Variants in SEMA3A observed in about 807,000 individuals in gnomAD.
SEMA3A encodes the protein semaphorin 3A.
A neutral mutation model predicts 97.9 loss-of-function variants in SEMA3A; 29 were observed. That is an observed-to-expected ratio of 0.30 (90% CI 0.22 to 0.40). SEMA3A has a LOEUF of 0.40. Ranked by LOEUF, SEMA3A falls within the 10% of genes least tolerant of loss-of-function variation. The probability of loss-of-function intolerance (pLI) is 1.00; values close to 1 mark genes in which losing one functional copy is unlikely to be tolerated. For synonymous variants in SEMA3A, 321 were observed against 323.7 expected, an observed-to-expected ratio of 0.99 and a Z score of 0.09; for missense variants, 763 against 951.3, an observed-to-expected ratio of 0.80 and a Z score of 2.60.
intron 1 of SEMA3A, among the ~76,000 whole-genome samples, chr7:84,450,362 C>T (rs776941062): frequency 3.9e-5 from 6 of 152,138 alleles, no homozygotes; most frequent in African/African-American, 4.8e-5. Flanking sequence ...CCAAGAATGC[C>T]ACATTCTGAG....
chr7:84,420,651 C>A (rs1804565057), intron 1 of SEMA3A, among the ~76,000 whole-genome samples: 1 of 151,932 alleles, frequency 6.6e-6, no homozygotes, highest in Non-Finnish European at 1.5e-5. Flanking sequence ...CTAGCATAAC[C>A]TCAAAAAGAT....
intron 6 of SEMA3A, among the ~76,000 whole-genome samples, chr7:84,037,151 TTTTC>T (rs911458462): frequency 5.5e-5 from 8 of 145,024 alleles, no homozygotes; most frequent in South Asian, 2.3e-4. Flanking sequence ...GCTAAGTTTT[TTTTC>T]TTTTTTTCAA....
At chr7:84,127,016 CTT>C (rs200695073) in intron 3 of SEMA3A, among the ~76,000 whole-genome samples, 4 of 145,962 alleles carry the variant, frequency 2.7e-5, no homozygotes, top group Admixed American at 1.4e-4. Context: ...GAAGAACACA[CTT>C]TTTTTTTTTT....
At chr7:83,969,933 A>G (rs1788852185) in intron 15 of SEMA3A, among the ~76,000 whole-genome samples, 1 of 152,200 alleles carries the variant, frequency 6.6e-6, no homozygotes. Context: ...CCAGAAAGAA[A>G]GCAATCTCAT....
chr7:84,078,657 T>A (rs946996530), intron 4 of SEMA3A, among the ~76,000 whole-genome samples: 1 of 152,086 alleles, frequency 6.6e-6, no homozygotes, highest in Non-Finnish European at 1.5e-5. Context: ...GATTTGAAAC[T>A]CTAGTTTAAT....
At chr7:84,157,249 G>A (rs1199242870) in intron 1 of SEMA3A, among the ~76,000 whole-genome samples, 1 of 152,160 alleles carries the variant, frequency 6.6e-6, no homozygotes, top group African/African-American at 2.4e-5. Context: ...TACAATGTGT[G>A]TGTTTACATG....
At chr7:84,315,370 A>G (rs1446914427) in intron 2 of SEMA3A, among the ~76,000 whole-genome samples, 2 of 152,108 alleles carry the variant, frequency 1.3e-5, no homozygotes, top group African/African-American at 4.8e-5. Context: ...CACATTTTGT[A>G]TTTCTTCTTG....
chr7:84,235,175 G>T (rs537206629), intron 3 of SEMA3A, among the ~76,000 whole-genome samples: 26 of 152,020 alleles, frequency 1.7e-4, no homozygotes, highest in South Asian at 1.5e-3. Context: ...TTTTTCAATT[G>T]TTCATAATGG....
chr7:83,987,938 T>C (rs891504516), intron 12 of SEMA3A, among the ~76,000 whole-genome samples: 3 of 152,168 alleles, frequency 2.0e-5, no homozygotes, highest in Admixed American at 6.5e-5. Flanking sequence ...TGGCCTACTA[T>C]TTTCAGAAGC....
chr7:84,009,905 CAAAAAA>C (rs3074687), intron 9 of SEMA3A, among the ~76,000 whole-genome samples: 12 of 91,712 alleles, frequency 1.3e-4, no homozygotes, highest in Admixed American at 7.2e-4. Flanking sequence ...ACACTGGTTA[CAAAAAA>C]AAAAAAAAAA....
chr7:84,113,199 C>G (rs1562790231), intron 3 of SEMA3A, among the ~76,000 whole-genome samples: 3 of 152,064 alleles, frequency 2.0e-5, no homozygotes. Flanking sequence ...GGAGACTCAT[C>G]GAAAACAATG....
intron 3 of SEMA3A, among the ~76,000 whole-genome samples, chr7:84,302,534 A>G (rs900477257): frequency 1.3e-5 from 2 of 152,148 alleles, no homozygotes; most frequent in Non-Finnish European, 1.5e-5. Context: ...CCCCAAACAG[A>G]GTAGTTCTCT....
At chr7:84,472,433 G>A (rs979308376) in intron 1 of SEMA3A, among the ~76,000 whole-genome samples, 6 of 152,222 alleles carry the variant, frequency 3.9e-5, no homozygotes, top group South Asian at 2.1e-4. Flanking sequence ...AGGCTAAAAC[G>A]CATTAGTGCT....
intron 2 of SEMA3A, among the ~76,000 whole-genome samples, chr7:84,310,405 A>T (rs1284995517): frequency 6.6e-6 from 1 of 151,910 alleles, no homozygotes; most frequent in Non-Finnish European, 1.5e-5. Context: ...ATTTTTGTTT[A>T]AAAAAATCTG....
At chr7:84,360,761 A>T (rs1234345217) in intron 2 of SEMA3A, among the ~76,000 whole-genome samples, 3 of 151,980 alleles carry the variant, frequency 2.0e-5, no homozygotes, top group Admixed American at 6.6e-5. Flanking sequence ...AGCTATCCCT[A>T]CTAACAGCAA....
At chr7:84,405,542 G>T (rs1362434552) in intron 1 of SEMA3A, among the ~76,000 whole-genome samples, 1 of 152,148 alleles carries the variant, frequency 6.6e-6, no homozygotes, top group Non-Finnish European at 1.5e-5. Context: ...GCACCAAGTA[G>T]ACGTAATAGA....
chr7:84,075,780 C>T (rs936851786), intron 4 of SEMA3A, among the ~76,000 whole-genome samples: 2 of 152,104 alleles, frequency 1.3e-5, no homozygotes, highest in Non-Finnish European at 2.9e-5. Context: ...TCTATTGTAT[C>T]CATTCAAGCA....
At chr7:84,002,388 T>G (rs2116389097) in intron 11 of SEMA3A, among the ~76,000 whole-genome samples, 1 of 152,334 alleles carries the variant, frequency 6.6e-6, no homozygotes, top group African/African-American at 2.4e-5. Flanking sequence ...TTCTTTTCAT[T>G]ATTTCTAAAA....
chr7:84,152,543 G>A (rs1455394685), intron 1 of SEMA3A, among the ~76,000 whole-genome samples: 11 of 119,402 alleles, frequency 9.2e-5, no homozygotes, highest in Admixed American at 2.8e-4. Context: ...GAACTGTTGT[G>A]GGGTGGGGGG....
Sources: gnomAD v4.1 joint callset for allele counts (sites outside exome capture counted in the v4.1 genomes callset) on GRCh38, gnomAD v4.1.1 for gene constraint, MANE v1.5 for transcripts, NCBI Gene and HGNC (gene_info 2026-07-23, HGNC 2026-07-21) for gene names.